FSTL5: variants seen among roughly 807,000 people sequenced by gnomAD.
FSTL5 encodes the protein follistatin like 5.
A neutral mutation model predicts 89.1 loss-of-function variants in FSTL5; 62 were observed. The observed-to-expected ratio is 0.70, with a 90% CI of 0.57 to 0.86. FSTL5 has a LOEUF of 0.86. Among genes scored for constraint, FSTL5 ranks in the 40% least tolerant of loss-of-function variants. The pLI, the probability that FSTL5 is intolerant of heterozygous loss-of-function variation, is 0.00. For missense variants in FSTL5, 1,057 were observed against 1,001.6 expected (o/e 1.06, Z -0.75); for synonymous variants, 383 against 346.2 (o/e 1.11, Z -1.18).
At chr4:161,929,283 T>C (rs1042809513) in intron 3 of FSTL5, among the ~76,000 whole-genome samples, 10 of 151,380 alleles carry the variant, frequency 6.6e-5, no homozygotes, top group African/African-American at 2.4e-4. Flanking sequence ...TCTAATGGTA[T>C]GGGTCTGTTT....
At chr4:161,509,284 C>T (rs550219517) in intron 11 of FSTL5, among the ~76,000 whole-genome samples, 1 of 152,176 alleles carries the variant, frequency 6.6e-6, no homozygotes, top group African/African-American at 2.4e-5. Context: ...GCCTGGGCAA[C>T]AAGAGTGAAA....
chr4:162,024,816 A>T (rs1737218884), intron 3 of FSTL5, among the ~76,000 whole-genome samples: 1 of 151,116 alleles, frequency 6.6e-6, no homozygotes, highest in Non-Finnish European at 1.5e-5. Context: ...TGCTAGGCTA[A>T]TTTTTTTTTA....
intron 7 of FSTL5, among the ~76,000 whole-genome samples, chr4:161,629,541 C>T (rs1330263594): frequency 1.3e-5 from 2 of 152,010 alleles, no homozygotes; most frequent in Non-Finnish European, 2.9e-5. Context: ...GACAGAGTTT[C>T]CCCATGTTGG....
At position 161,455,035 on chromosome 4, in the gene FSTL5, G is replaced by A; in HGVS notation, c.1810C>T (p.Pro604Ser). 2 of 1,613,352 alleles carry A rather than the reference G, an allele frequency of 1.2e-6. No homozygotes were observed. The highest frequency in any genetic ancestry group is 1.7e-6 in the Non-Finnish European group (2 of 1,179,604). Residue 604 changes from proline (P) to serine (S), a missense_variant, in exon 15 of 16, where the codon CCC (proline) becomes TCC (serine). Pro to Ser is a moderately conservative substitution (Grantham distance 74). Transcript: ENST00000306100. The part of the protein sequence containing the change: ...QFDRVDDFFI[P>S]TTTLIITHMR... ...TGGGTGATAATGAGTGTTGTGGTGG[G>A]AATGAAAAAATCATCCACTCTGTCA...
intron 6 of FSTL5, among the ~76,000 whole-genome samples, chr4:161,669,250 A>G (rs1166201320): frequency 6.6e-6 from 1 of 152,168 alleles, no homozygotes; most frequent in Non-Finnish European, 1.5e-5. Context: ...ATTTAATGCA[A>G]TCCCAGTCAA....
chr4:161,755,404 A>G lies in FSTL5; in HGVS notation c.727+4007T>C, dbSNP rs145100007. Among the ~76,000 whole-genome samples the G allele has an allele frequency of 2.5e-4, 38 of 152,174 alleles. No homozygotes were observed. The East Asian group carries it at 7.3e-3, about 29-fold the overall frequency. On this transcript the variant is annotated intron_variant, in intron 6 of 15. Coordinates refer to ENST00000306100, the MANE Select transcript of FSTL5 (RefSeq NM_020116.5). ...TAATATGCTATTTTTTTTACCATTA[A>G]CTTTTTCCTGTTTGCGGATTACCCT...
chr4:161,654,516 C>T (rs1161848827), intron 7 of FSTL5, among the ~76,000 whole-genome samples: 1 of 152,030 alleles, frequency 6.6e-6, no homozygotes, highest in East Asian at 1.9e-4. Flanking sequence ...AAGCATTATT[C>T]TCCAGATAGT....
At chr4:162,130,364 A>C (rs1732250926) in intron 1 of FSTL5, among the ~76,000 whole-genome samples, 1 of 151,118 alleles carries the variant, frequency 6.6e-6, no homozygotes, top group African/African-American at 2.5e-5. Flanking sequence ...TTTTAAAACA[A>C]GCTCAATCAA....
intron 4 of FSTL5, among the ~76,000 whole-genome samples, chr4:161,862,837 C>T (rs13122562): frequency 0.12 from 17,574 of 152,212 alleles, 1,299 homozygotes; most frequent in Non-Finnish European, 0.17. Flanking sequence ...TACAAATGTA[C>T]TTTTGTTATA....
intron 7 of FSTL5, among the ~76,000 whole-genome samples, chr4:161,622,147 G>T (rs1735155171): frequency 1.3e-5 from 2 of 151,974 alleles, no homozygotes; most frequent in African/African-American, 4.8e-5. Flanking sequence ...TTAGAAAAAT[G>T]GACAAATTGT....
chr4:161,788,245 A>G (rs1448615929), intron 4 of FSTL5, among the ~76,000 whole-genome samples: 2 of 152,156 alleles, frequency 1.3e-5, no homozygotes, highest in Non-Finnish European at 2.9e-5. Flanking sequence ...AAAACATGTC[A>G]TTTCTTTATG....
intron 2 of FSTL5, among the ~76,000 whole-genome samples, chr4:162,075,953 CCTG>C (rs1375504385): frequency 1.3e-5 from 2 of 151,872 alleles, no homozygotes; most frequent in Non-Finnish European, 2.9e-5. Context: ...TCTGCACACT[CCTG>C]CTTCTCTCAT....
chr4:162,013,814 CT>C (rs1486480193), intron 3 of FSTL5, among the ~76,000 whole-genome samples: 1 of 149,558 alleles, frequency 6.7e-6, no homozygotes, highest in African/African-American at 2.5e-5. Context: ...TTTTTTACTT[CT>C]GTTGGTAATG....
At chr4:161,595,631 A>G (rs1175436278) in intron 7 of FSTL5, among the ~76,000 whole-genome samples, 1 of 152,040 alleles carries the variant, frequency 6.6e-6, no homozygotes, top group Non-Finnish European at 1.5e-5. Context: ...ATTATGTAAG[A>G]GTAACAAAAC....
chr4:161,655,601 G>A (rs1340273747), intron 7 of FSTL5, among the ~76,000 whole-genome samples: 1 of 152,104 alleles, frequency 6.6e-6, no homozygotes, highest in African/African-American at 2.4e-5. Flanking sequence ...ATATGCACAT[G>A]TTAGAAATGC....
In FSTL5 at chr4:161,986,321, A is replaced by G. The variant is rs186030592; in HGVS notation, c.160+47304T>C. Among the ~76,000 whole-genome samples, 1,042 of 152,266 alleles carry G rather than the reference A, an allele frequency of 6.8e-3. 11 individuals are homozygous for G. Among genetic ancestry groups the G allele is most frequent in the Non-Finnish European group, 9.9e-3 (676 of 67,998 alleles). On this transcript the variant is annotated intron_variant, in intron 3 of 15. Coordinates refer to ENST00000306100, the MANE Select transcript of FSTL5 (RefSeq NM_020116.5). ...TCCCAGCACTTTGGGAGGCCGAGGC[A>G]GGTGGATCATTTAAGGTCAGGACTT...
At chr4:161,989,476 T>C (rs1221367149) in intron 3 of FSTL5, among the ~76,000 whole-genome samples, 2 of 152,146 alleles carry the variant, frequency 1.3e-5, no homozygotes, top group Non-Finnish European at 2.9e-5. Context: ...TTACCATGCT[T>C]CAAATACTAG....
At chr4:161,619,401 G>A (rs1735024916) in intron 7 of FSTL5, among the ~76,000 whole-genome samples, 1 of 152,070 alleles carries the variant, frequency 6.6e-6, no homozygotes, top group Non-Finnish European at 1.5e-5. Context: ...GAGTGAACAG[G>A]CAACCTACAA....
chr4:161,440,747 G>A (rs1451558820), intron 15 of FSTL5, among the ~76,000 whole-genome samples: 2 of 152,032 alleles, frequency 1.3e-5, no homozygotes, highest in African/African-American at 4.8e-5. Flanking sequence ...AGGAAATAAA[G>A]GTCTCCATCA....
Sources: allele counts gnomAD v4.1 joint callset (sites outside exome capture counted in the v4.1 genomes callset), GRCh38; gene constraint gnomAD v4.1.1; transcripts MANE v1.5; gene names NCBI Gene and HGNC (gene_info 2026-07-23, HGNC 2026-07-21).